Variants in SORCS1 observed in about 807,000 individuals in gnomAD.
SORCS1 encodes the protein sortilin related VPS10 domain containing receptor 1.
In SORCS1, 60 loss-of-function variants were observed where a neutral mutation model predicts 146.1. That is an observed-to-expected ratio of 0.41 (90% CI 0.33 to 0.51). The LOEUF is 0.51. SORCS1 is among the 20% of genes least tolerant of loss of function. The pLI is 0.21. For synonymous variants in SORCS1, 637 were observed against 584.0 expected (o/e 1.09, Z -1.31); for missense variants, 1,352 against 1,487.6 (o/e 0.91, Z 1.50).
At chr10:106,828,276 A>G (rs1337885011) in intron 3 of SORCS1, among the ~76,000 whole-genome samples, 1 of 152,214 alleles carries the variant, frequency 6.6e-6, no homozygotes, top group East Asian at 1.9e-4. Context: ...AGAACTTGAA[A>G]TGCTTACAGC....
chr10:106,867,788 C>A (rs1321056914), intron 2 of SORCS1, among the ~76,000 whole-genome samples: 1 of 152,130 alleles, frequency 6.6e-6, no homozygotes, highest in African/African-American at 2.4e-5. Flanking sequence ...CAGTATAAAG[C>A]AACCACAAAA....
intron 2 of SORCS1, among the ~76,000 whole-genome samples, chr10:106,910,299 G>GTC (rs1952085473): frequency 7.6e-6 from 1 of 132,368 alleles, no homozygotes; most frequent in African/African-American, 3.4e-5. Context: ...GTGTGTGTGT[G>GTC]TGTGTGTGTG....
At chr10:106,891,858 C>T (rs1951250447) in intron 2 of SORCS1, among the ~76,000 whole-genome samples, 1 of 152,148 alleles carries the variant, frequency 6.6e-6, no homozygotes, top group Non-Finnish European at 1.5e-5. Flanking sequence ...AATCTACTCC[C>T]ATGCCTAAAT....
intron 1 of SORCS1, among the ~76,000 whole-genome samples, chr10:107,042,334 C>T (rs1387229328): frequency 1.3e-5 from 2 of 152,194 alleles, no homozygotes; most frequent in African/African-American, 4.8e-5. Context: ...AAGGGCCTGG[C>T]ATTTACCAAA....
At chr10:106,782,327 A>T (rs1306204268) in intron 3 of SORCS1, among the ~76,000 whole-genome samples, 2 of 152,204 alleles carry the variant, frequency 1.3e-5, no homozygotes, top group South Asian at 2.1e-4. Context: ...GTGCAGTTGA[A>T]TGATCACAGC....
chr10:106,694,820 A>C (rs1330878240), intron 9 of SORCS1, among the ~76,000 whole-genome samples: 1 of 152,110 alleles, frequency 6.6e-6, no homozygotes, highest in Non-Finnish European at 1.5e-5. Flanking sequence ...GTGTATTCTG[A>C]ATTTGTCAGC....
At chr10:107,031,623 G>T (rs942861807) in intron 1 of SORCS1, among the ~76,000 whole-genome samples, 4 of 151,374 alleles carry the variant, frequency 2.6e-5, no homozygotes, top group African/African-American at 9.7e-5. Flanking sequence ...TGGTGGGGGG[G>T]AATAGGGTCT....
At chr10:106,869,025 C>T (rs990548682) in intron 2 of SORCS1, among the ~76,000 whole-genome samples, 1 of 152,052 alleles carries the variant, frequency 6.6e-6, no homozygotes, top group African/African-American at 2.4e-5. Context: ...ACCGACCCCA[C>T]AGAAATAAAA....
chr10:107,095,876 T>C (rs1964515272), intron 1 of SORCS1, among the ~76,000 whole-genome samples: 1 of 152,270 alleles, frequency 6.6e-6, no homozygotes, highest in East Asian at 1.9e-4. Context: ...ATGAAAAATA[T>C]ATGCCCTGCT....
chr10:106,575,230 A>T lies in SORCS1; in HGVS notation c.*2190T>A, dbSNP rs1814608663. 1.3e-5 allele frequency: 2 copies of T among 152,562 alleles called. No homozygotes were observed. The highest frequency in any genetic ancestry group is 2.9e-5 in the Non-Finnish European group (2 of 68,028). The allele number at this position is 152,562 out of a possible 1,614,324, so 9.5% of individuals were successfully genotyped here. A position where few individuals can be genotyped will look rare whatever the true frequency, so the allele number is the denominator to read the frequency against. On this transcript the variant is annotated 3_prime_UTR_variant, in exon 26 of 26. Coordinates refer to ENST00000263054, the MANE Select transcript of SORCS1 (RefSeq NM_052918.5). Reference sequence around the variant, plus strand: ...GGTTGGGGATCAATTGAGTTCTACAAATAGGTGACTGCCTCAGGCCTAGCC... The same window carrying T: ...GGTTGGGGATCAATTGAGTTCTACATATAGGTGACTGCCTCAGGCCTAGCC...
chr10:106,844,721 TCCCTCCC>T (rs1430019136), intron 2 of SORCS1, among the ~76,000 whole-genome samples: 1 of 115,250 alleles, frequency 8.7e-6, no homozygotes, highest in Non-Finnish European at 1.8e-5. Context: ...CCCAATGCTA[TCCCTCCC>T]CCCTCCCCCC....
At chr10:106,579,023 G>A in intron 25 of SORCS1, 6 of 1,574,584 alleles carry the variant, frequency 3.8e-6, no homozygotes, top group South Asian at 1.2e-5. Flanking sequence ...AAGCCAGAAA[G>A]GGGTTAGAGA....
intron 14 of SORCS1, 32 bp from the exon 15 acceptor site, chr10:106,673,017 AATG>A: frequency 6.5e-7 from 1 of 1,543,072 alleles, no homozygotes; most frequent in South Asian, 1.1e-5. Flanking sequence ...AAATAATTAC[AATG>A]ATAACAATGT....
intron 1 of SORCS1, among the ~76,000 whole-genome samples, chr10:107,000,157 T>G (rs1263768798): frequency 6.6e-6 from 1 of 152,188 alleles, no homozygotes; most frequent in African/African-American, 2.4e-5. Flanking sequence ...ATAAATAATT[T>G]TTTAAAATGT....
intron 2 of SORCS1, among the ~76,000 whole-genome samples, chr10:106,835,617 G>A (rs571740481): frequency 6.6e-6 from 1 of 152,210 alleles, no homozygotes; most frequent in East Asian, 1.9e-4. Flanking sequence ...CAGAGTTAAT[G>A]GTAAGAACTG....
chr10:106,680,847 C>T (rs1286662635), intron 10 of SORCS1, among the ~76,000 whole-genome samples: 1 of 151,994 alleles, frequency 6.6e-6, no homozygotes, highest in African/African-American at 2.4e-5. Flanking sequence ...CATTCAGACA[C>T]CTACAGATAC....
chr10:106,699,678 A>G (rs1564872769), intron 8 of SORCS1, among the ~76,000 whole-genome samples: 1 of 152,224 alleles, frequency 6.6e-6, no homozygotes, highest in Non-Finnish European at 1.5e-5. Context: ...TTTCTTAAAT[A>G]TGTATGATTC....
chr10:106,957,155 G>GGT (rs1954983361), intron 1 of SORCS1, among the ~76,000 whole-genome samples: 5 of 136,444 alleles, frequency 3.7e-5, no homozygotes, highest in East Asian at 2.1e-4. Context: ...TTAGCATGTG[G>GGT]TTTTTTTTTG....
rs1486817888 is a variant in SORCS1 at position 107,158,386 on chromosome 10, A to G, written c.558+5583T>C. Among the ~76,000 whole-genome samples, 3 of 152,354 alleles carry G rather than the reference A, an allele frequency of 2.0e-5. No homozygotes were observed. In the East Asian group the frequency reaches 5.8e-4, roughly 29 times the overall value. ...CCTGGATATAAAGAGGAATGTTTAC[A>G]TCTCTTCCCTTGACCTTTGGTTATG... is the stretch of plus-strand genomic sequence containing the variant. On this transcript the variant is annotated intron_variant, in intron 1 of 25. Transcript: ENST00000263054.
Sources: allele counts gnomAD v4.1 joint callset (sites outside exome capture counted in the v4.1 genomes callset), GRCh38; gene constraint gnomAD v4.1.1; transcripts MANE v1.5; gene names NCBI Gene and HGNC (gene_info 2026-07-23, HGNC 2026-07-21).